The following PRSS38 variants were observed in gnomAD, a reference collection of about 807,000 sequenced individuals.
PRSS38 encodes the protein serine protease 38.
Under a neutral mutation model 26.8 loss-of-function variants are expected in PRSS38, and 22 were observed. The ratio of observed to expected loss-of-function variants is 0.82; its 90% CI spans 0.59 to 1.17. The LOEUF (loss-of-function observed/expected upper bound fraction) is 1.17. Ranked by LOEUF, PRSS38 falls within the 50% of genes most tolerant of loss-of-function variation. PRSS38 has a pLI of 0.00. For synonymous variants in PRSS38, 175 were observed against 172.1 expected (o/e 1.02, Z -0.13); for missense variants, 427 against 422.7 (o/e 1.01, Z -0.09).
intron 3 of PRSS38, among the ~76,000 whole-genome samples, chr1:227,837,892 A>G (rs547771784): frequency 1.8e-4 from 27 of 151,966 alleles, no homozygotes; most frequent in African/African-American, 6.5e-4. Context: ...TTTCTACCGC[A>G]CTGGCTTGGT....
At chr1:227,817,352 C>T (rs374055140) in exon 3 of PRSS38, 1 of 1,614,164 alleles carries the variant, frequency 6.2e-7, no homozygotes, top group Non-Finnish European at 8.5e-7. Flanking sequence ...GGTGACGTGG[C>T]CCTGGTGCAG....
chr1:227,842,499 G>T (rs1665352372), intron 3 of PRSS38, among the ~76,000 whole-genome samples: 1 of 152,096 alleles, frequency 6.6e-6, no homozygotes. Flanking sequence ...ATCCAACAGG[G>T]AAACTAGAGC....
chr1:227,827,488 AG>A (rs1665091851), intron 3 of PRSS38, among the ~76,000 whole-genome samples: 1 of 151,934 alleles, frequency 6.6e-6, no homozygotes, highest in South Asian at 2.1e-4. Flanking sequence ...AAGTGTTTAT[AG>A]TGTTCTCTGA....
At chr1:227,823,324 C>T (rs1344485800) in intron 3 of PRSS38, among the ~76,000 whole-genome samples, 2 of 151,146 alleles carry the variant, frequency 1.3e-5, no homozygotes, top group African/African-American at 4.9e-5. Flanking sequence ...TTTATTTATA[C>T]ATATAATATA....
intron 3 of PRSS38, among the ~76,000 whole-genome samples, chr1:227,834,190 C>T (rs1665203552): frequency 6.6e-6 from 1 of 152,162 alleles, no homozygotes; most frequent in South Asian, 2.1e-4. Flanking sequence ...CCTGGCCCTT[C>T]TGACACCTTA....
exon 4 of PRSS38, chr1:227,845,571 C>A: frequency 6.2e-7 from 1 of 1,613,740 alleles, no homozygotes; most frequent in Non-Finnish European, 8.5e-7. Flanking sequence ...GCCCGACATG[C>A]TGTGTGCTGG....
chr1:227,834,283 G>A (rs1665205095), intron 3 of PRSS38, among the ~76,000 whole-genome samples: 1 of 152,180 alleles, frequency 6.6e-6, no homozygotes, highest in African/African-American at 2.4e-5. Context: ...CTTTGTGACA[G>A]CAGCCCTAGG....
intron 3 of PRSS38, among the ~76,000 whole-genome samples, chr1:227,829,487 A>G (rs1414537247): frequency 6.6e-6 from 1 of 152,164 alleles, no homozygotes; most frequent in Non-Finnish European, 1.5e-5. Flanking sequence ...TCCCAAAGAA[A>G]TTCCCACTAG....
intron 2 of PRSS38, 96 bp from the exon 3 acceptor site, chr1:227,817,113 G>T: frequency 7.7e-7 from 1 of 1,304,548 alleles, no homozygotes; most frequent in South Asian, 1.4e-5. Context: ...CAATCCCACC[G>T]AGTGAGTGCC....
exon 5 of PRSS38, chr1:227,846,210 G>A: frequency 6.2e-7 from 1 of 1,607,436 alleles, no homozygotes; most frequent in Non-Finnish European, 8.5e-7. Context: ...GTGCTGTGAG[G>A]TCAGGATACC....
chr1:227,818,649 G>A (rs563443485), intron 3 of PRSS38, among the ~76,000 whole-genome samples: 16 of 128,732 alleles, frequency 1.2e-4, no homozygotes, highest in Admixed American at 1.0e-3. Context: ...CTGCACCAAA[G>A]CCTGGGCAAC....
Position 227,816,622 on chromosome 1 carries a change from C to G in PRSS38, c.311+370C>G, listed in dbSNP as rs1664922216. On this transcript the variant is annotated intron_variant, in intron 2 of 4. Coordinates refer to ENST00000366757, the Ensembl canonical transcript of PRSS38. This position sits in a 1 kb window ranked among gnomAD's most constrained non-coding sequence, Gnocchi z 5.1. The stretch of plus-strand genomic sequence containing the variant: ...GTGCAAGGCTGGTCCCCTAAGTGCA[C>G]GACCAGGTCCCCACGAGTGAGGCTG... 6.6e-6 allele frequency among the ~76,000 whole-genome samples: 1 copy of G among 151,726 alleles called. No individual in the cohort carries two copies. Among genetic ancestry groups the G allele is most frequent in the South Asian group, 2.1e-4 (1 of 4,782 alleles).
intron 2 of PRSS38, among the ~76,000 whole-genome samples, 166 bp from the exon 3 acceptor site, chr1:227,817,043 G>A (rs940496731): frequency 6.6e-6 from 1 of 152,190 alleles, no homozygotes; most frequent in African/African-American, 2.4e-5. Flanking sequence ...CTCTTTAGGG[G>A]GCAACTCTTC....
rs768128932 is a variant in PRSS38, at chr1:227,846,236, A to G, written c.*28A>G. 64 of 1,597,252 alleles carry G rather than the reference A, an allele frequency of 4.0e-5. 1 individual carries two copies. In the South Asian group the frequency reaches 6.7e-4, roughly 17 times the overall value. ...TCAGGATACCCACTCTAGGATTCTCATGGCTGCACACCCTGCCCCAGCCCA... is the reference window on the plus strand; with the variant it reads ...TCAGGATACCCACTCTAGGATTCTCGTGGCTGCACACCCTGCCCCAGCCCA... On this transcript the variant is annotated 3_prime_UTR_variant, in exon 5 of 5. Coordinates refer to ENST00000366757, the Ensembl canonical transcript of PRSS38.
chr1:227,819,128 AT>A (rs1311620187), intron 3 of PRSS38, among the ~76,000 whole-genome samples: 1 of 152,098 alleles, frequency 6.6e-6, no homozygotes, highest in Admixed American at 6.5e-5. Flanking sequence ...AAAATTGTCT[AT>A]TCTATTGCCT....
At chr1:227,821,999 T>G (rs1665009842) in intron 3 of PRSS38, among the ~76,000 whole-genome samples, 1 of 152,206 alleles carries the variant, frequency 6.6e-6, no homozygotes, top group South Asian at 2.1e-4. Flanking sequence ...AGGAGTCTCT[T>G]AGGCTCTCTT....
intron 3 of PRSS38, among the ~76,000 whole-genome samples, chr1:227,822,295 C>T (rs1268950671): frequency 1.3e-5 from 2 of 152,022 alleles, no homozygotes; most frequent in Non-Finnish European, 2.9e-5. Context: ...ATTTAATACA[C>T]TTGTTTAAAG....
Position 227,816,041 on chromosome 1 carries a change from C to T in PRSS38, c.149-49C>T, listed in dbSNP as rs1236460272. 1 of 1,581,822 alleles carries T rather than the reference C, an allele frequency of 6.3e-7. No homozygotes were observed. On this transcript the variant is annotated intron_variant, in intron 1 of 4. Coordinates refer to ENST00000366757, the Ensembl canonical transcript of PRSS38. The surrounding 1 kb of genome is among the most constrained non-coding windows in gnomAD (Gnocchi z 5.1). ...CCCACGTCCCCTGCCTGCCCTACCT[C>T]TCCCGTGGCCCCAGCATGGCTCCAC... is the stretch of plus-strand genomic sequence containing the variant.
intron 3 of PRSS38, among the ~76,000 whole-genome samples, chr1:227,818,902 G>C (rs933290290): frequency 6.6e-6 from 1 of 152,036 alleles, no homozygotes; most frequent in East Asian, 1.9e-4. Flanking sequence ...TACCTTTTGC[G>C]GGTATAAATG....
Sources: allele counts gnomAD v4.1 joint callset (sites outside exome capture counted in the v4.1 genomes callset), GRCh38; gene constraint gnomAD v4.1.1; non-coding constraint Gnocchi (gnomAD v3.1); transcripts MANE v1.5; gene names NCBI Gene and HGNC (gene_info 2026-07-23, HGNC 2026-07-21).